Variants in ADAMTS12 observed in about 807,000 individuals in gnomAD.
The protein encoded by ADAMTS12 is ADAM metallopeptidase with thrombospondin type 1 motif 12.
A neutral mutation model predicts 167.8 loss-of-function variants in ADAMTS12; 118 were observed. The observed-to-expected ratio is 0.70, with a 90% confidence interval of 0.61 to 0.82. The LOEUF (loss-of-function observed/expected upper bound fraction) is 0.82, where lower values mean the gene tolerates loss of function less well. ADAMTS12 is among the 40% of genes least tolerant of loss of function. The pLI, the probability that ADAMTS12 is intolerant of heterozygous loss-of-function variation, is 0.00. For missense variants in ADAMTS12, 1,916 were observed against 1,998.8 expected (o/e 0.96, Z 0.79); for synonymous variants, 704 against 716.9 (o/e 0.98, Z 0.29).
At chr5:33,787,472 G>T (rs1320025029) in intron 2 of ADAMTS12, among the ~76,000 whole-genome samples, 1 of 152,222 alleles carries the variant, frequency 6.6e-6, no homozygotes, top group African/African-American at 2.4e-5. Context: ...GCATTTCTAT[G>T]AAGACATATT....
At chr5:33,790,135 C>T (rs1211990703) in intron 2 of ADAMTS12, among the ~76,000 whole-genome samples, 2 of 152,208 alleles carry the variant, frequency 1.3e-5, no homozygotes, top group African/African-American at 4.8e-5. Context: ...GAATCAGGTG[C>T]GGCCAGAGTC....
At chr5:33,713,054 C>G (rs566338767) in intron 3 of ADAMTS12, among the ~76,000 whole-genome samples, 2 of 152,254 alleles carry the variant, frequency 1.3e-5, no homozygotes, top group Non-Finnish European at 2.9e-5. Flanking sequence ...GGAGCTGTAA[C>G]TGTGGAAGGC....
intron 11 of ADAMTS12, 72 bp from the exon 12 acceptor site, chr5:33,637,818 G>A (rs1472922383): frequency 6.6e-7 from 1 of 1,506,870 alleles, no homozygotes; most frequent in Non-Finnish European, 9.0e-7. Context: ...AACTCCTCTG[G>A]TATCTGGCCT....
At chr5:33,641,723 G>T in intron 11 of ADAMTS12, 87 bp downstream of exon 11, 1 of 1,321,872 alleles carries the variant, frequency 7.6e-7, no homozygotes, top group Non-Finnish European at 1.0e-6. Flanking sequence ...GAGGCTTGGG[G>T]TCACTGAGGT....
At chr5:33,778,890 C>T (rs1051480154) in intron 2 of ADAMTS12, among the ~76,000 whole-genome samples, 1 of 151,892 alleles carries the variant, frequency 6.6e-6, no homozygotes, top group Non-Finnish European at 1.5e-5. Flanking sequence ...AGAAAACATA[C>T]AAGCAACCAA....
rs1183211499 is a variant in ADAMTS12, at chr5:33,661,910, G to A, written c.1040+6C>T. 5.5e-5 allele frequency: 88 copies of A among 1,612,940 alleles called. No individual in the cohort carries two copies. The highest frequency in any genetic ancestry group is 7.2e-5 in the Non-Finnish European group (85 of 1,179,426). On this transcript the variant is annotated splice_donor_region_variant and intron_variant, in intron 6 of 23. Transcript: ENST00000504830. Reference sequence around the variant, plus strand: ...GCCCCTGGGTTTCATGTAGTCTCTGGTGTACCTGGTGAGAAGGACAGCCAC... The same window carrying A: ...GCCCCTGGGTTTCATGTAGTCTCTGATGTACCTGGTGAGAAGGACAGCCAC...
rs572470483 is a variant in ADAMTS12, at chr5:33,774,117, C to T, written c.490-22569G>A. 9.2e-5 allele frequency among the ~76,000 whole-genome samples: 14 copies of T among 152,308 alleles called. No individual in the cohort carries two copies. In the South Asian group the frequency reaches 2.7e-3, roughly 29 times the overall value. ...CAACCAGTATATTAGACTTTGGTTT[C>T]ACTCGACCCTAATCTGGTCTGAGAT... is the stretch of plus-strand genomic sequence containing the variant. On this transcript the variant is annotated intron_variant, in intron 2 of 23. Transcript: ENST00000504830.
chr5:33,843,651 C>T (rs867862796), intron 2 of ADAMTS12, among the ~76,000 whole-genome samples: 7 of 152,262 alleles, frequency 4.6e-5, no homozygotes, highest in African/African-American at 7.2e-5. Flanking sequence ...GGCCTGGAAG[C>T]GAAGGTACGG....
chr5:33,754,746 C>G (rs566845292), intron 2 of ADAMTS12, among the ~76,000 whole-genome samples: 2 of 152,058 alleles, frequency 1.3e-5, no homozygotes, highest in Non-Finnish European at 2.9e-5. Flanking sequence ...ATCCCAGCTA[C>G]TTGGGAGGCT....
chr5:33,784,344 G>A (rs1362225180), intron 2 of ADAMTS12, among the ~76,000 whole-genome samples: 3 of 151,772 alleles, frequency 2.0e-5, no homozygotes. Context: ...TTGTACTGAT[G>A]GTGAGCCAAC....
intron 1 of ADAMTS12, among the ~76,000 whole-genome samples, chr5:33,884,946 A>C (rs1750585033): frequency 1.3e-5 from 2 of 152,218 alleles, no homozygotes; most frequent in African/African-American, 4.8e-5. Flanking sequence ...AACGAAAAGC[A>C]ATCACATTTT....
chr5:33,665,594 A>G (rs935573527), intron 5 of ADAMTS12, among the ~76,000 whole-genome samples: 2 of 152,222 alleles, frequency 1.3e-5, no homozygotes, highest in Non-Finnish European at 2.9e-5. Flanking sequence ...CAAAGCCATG[A>G]GCAACAGCCA....
At chr5:33,674,887 A>G (rs1741846198) in intron 5 of ADAMTS12, among the ~76,000 whole-genome samples, 1 of 152,182 alleles carries the variant, frequency 6.6e-6, no homozygotes, top group African/African-American at 2.4e-5. Flanking sequence ...TTTGTTTGCC[A>G]ATGTAAAGAT....
chr5:33,740,124 G>A (rs185336000), intron 3 of ADAMTS12, among the ~76,000 whole-genome samples: 117 of 152,296 alleles, frequency 7.7e-4, no homozygotes, highest in African/African-American at 2.8e-3. Flanking sequence ...AATGACAGAG[G>A]TGGTACCAGA....
chr5:33,867,570 T>A (rs1749869388), intron 2 of ADAMTS12, among the ~76,000 whole-genome samples: 2 of 152,062 alleles, frequency 1.3e-5, no homozygotes, highest in African/African-American at 2.4e-5. Context: ...ATACAATTCA[T>A]CTATGTAACC....
chr5:33,832,303 A>G (rs1748331736), intron 2 of ADAMTS12, among the ~76,000 whole-genome samples: 1 of 152,124 alleles, frequency 6.6e-6, no homozygotes, highest in South Asian at 2.1e-4. Context: ...CAAGCTTACT[A>G]TGCTTCAGTT....
chr5:33,553,259 T>C (rs571372650), intron 20 of ADAMTS12, among the ~76,000 whole-genome samples: 1 of 152,212 alleles, frequency 6.6e-6, no homozygotes, highest in Non-Finnish European at 1.5e-5. Flanking sequence ...GCTTATATAC[T>C]GCTGGTGGGA....
intron 2 of ADAMTS12, chr5:33,840,229 A>G (rs1748697549): frequency 6.6e-6 from 1 of 152,214 alleles, no homozygotes; most frequent in South Asian, 2.1e-4. Flanking sequence ...ATTCTTTTAC[A>G]TCTTCATCTT....
At chr5:33,688,879 C>T (rs906768576) in intron 3 of ADAMTS12, among the ~76,000 whole-genome samples, 2 of 151,870 alleles carry the variant, frequency 1.3e-5, no homozygotes, top group Non-Finnish European at 2.9e-5. Flanking sequence ...TTCTGCCCAG[C>T]CCACGCAGGT....
Sources: gnomAD v4.1 joint callset for allele counts (sites outside exome capture counted in the v4.1 genomes callset) on GRCh38, gnomAD v4.1.1 for gene constraint, MANE v1.5 for transcripts, NCBI Gene and HGNC (gene_info 2026-07-23, HGNC 2026-07-21) for gene names.